PCGF5: variants seen among roughly 807,000 people sequenced by gnomAD.
The protein encoded by PCGF5 is polycomb group ring finger 5, also known as polycomb group RING finger protein 5.
A neutral mutation model predicts 44.3 loss-of-function variants in PCGF5; 9 were observed. The ratio of observed to expected loss-of-function variants is 0.20; its 90% CI spans 0.12 to 0.35. The LOEUF (loss-of-function observed/expected upper bound fraction) is 0.35. PCGF5 is among the 10% of genes least tolerant of loss of function. PCGF5 has a pLI of 1.00. For synonymous variants in PCGF5, 95 were observed against 102.5 expected (o/e 0.93, Z 0.44); for missense variants, 146 against 305.3 (o/e 0.48, Z 3.89).
chr10:91,260,709 G>C lies in PCGF5; in HGVS notation c.475-617G>C, dbSNP rs537658800. 2.7e-5 allele frequency among the ~76,000 whole-genome samples: 4 copies of C among 149,298 alleles called. No individual in the cohort carries two copies. In the East Asian group the frequency reaches 7.9e-4, roughly 30 times the overall value. ...ATCATTCTCAGCAAACTATCACAAG[G>C]ACAAAAAACCAAACACCGCATGTTC... On this transcript the variant is annotated intron_variant, in intron 6 of 9. Transcript: ENST00000336126.
intron 2 of PCGF5, chr10:91,228,071 T>C (rs563252510): frequency 2.3e-6 from 1 of 440,324 alleles, no homozygotes; most frequent in South Asian, 9.6e-5. Flanking sequence ...TCTCCTAGGA[T>C]CTACATAGGC....
intron 8 of PCGF5, among the ~76,000 whole-genome samples, chr10:91,268,844 G>C (rs2046510735): frequency 6.6e-6 from 1 of 152,034 alleles, no homozygotes; most frequent in South Asian, 2.1e-4. Flanking sequence ...TGTCTCCATT[G>C]TGATGCATTT....
At chr10:91,270,157 C>A (rs573608598) in intron 8 of PCGF5, among the ~76,000 whole-genome samples, 1 of 152,184 alleles carries the variant, frequency 6.6e-6, no homozygotes, top group Non-Finnish European at 1.5e-5. Flanking sequence ...TAGCTTTCAT[C>A]GTGTACTCAC....
chr10:91,195,465 T>C (rs1844113778), intron 1 of PCGF5, among the ~76,000 whole-genome samples: 1 of 100,140 alleles, frequency 1.0e-5, no homozygotes, highest in Non-Finnish European at 2.1e-5. Context: ...TATATATATA[T>C]GCATGCATAT....
intron 6 of PCGF5, among the ~76,000 whole-genome samples, chr10:91,253,275 C>T (rs115050802): frequency 0.013 from 1,904 of 152,040 alleles, 46 homozygotes; most frequent in African/African-American, 0.042. Context: ...GTTATTTTGT[C>T]ACCCAGGTAA....
intron 9 of PCGF5, 76 bp downstream of exon 9, chr10:91,271,773 C>A: frequency 8.0e-7 from 1 of 1,253,968 alleles, no homozygotes; most frequent in Non-Finnish European, 1.2e-6. Flanking sequence ...AAACTCAATT[C>A]CTAAGACATT....
intron 2 of PCGF5, among the ~76,000 whole-genome samples, chr10:91,238,707 T>C (rs1344794718): frequency 6.9e-6 from 1 of 145,368 alleles, no homozygotes; most frequent in Admixed American, 7.0e-5. Flanking sequence ...TCTGAAGGAA[T>C]TCAGCTTCTC....
At chr10:91,264,396 T>G in intron 7 of PCGF5, 35 bp from the exon 8 acceptor site, 1 of 1,462,970 alleles carries the variant, frequency 6.8e-7, no homozygotes, top group Non-Finnish European at 9.3e-7. Context: ...GAATTCAACA[T>G]TATGTTAATA....
upstream of PCGF5, chr10:91,220,158 T>G (rs2133269839): frequency 3.0e-5 from 3 of 99,878 alleles, no homozygotes; most frequent in Admixed American, 1.3e-4. Flanking sequence ...CTCCACAACG[T>G]TCCCGTTTGC....
In PCGF5 at chr10:91,267,018, T is replaced by A. The variant is rs1846062888; in HGVS notation, c.663+2498T>A. On this transcript the variant is annotated intron_variant, in intron 8 of 9. Coordinates refer to ENST00000336126, the MANE Select transcript of PCGF5 (RefSeq NM_032373.5). ...CTCCGTTCTCTGATTCCTCCAATAATGTTTAATTTAGGTAAAATTCAGAAT... is the reference window on the plus strand; with the variant it reads ...CTCCGTTCTCTGATTCCTCCAATAAAGTTTAATTTAGGTAAAATTCAGAAT... Among the ~76,000 whole-genome samples, 3 of 152,120 alleles carry A rather than the reference T, an allele frequency of 2.0e-5. No individual in the cohort carries two copies. In the South Asian group the frequency reaches 6.2e-4, roughly 32 times the overall value.
chr10:91,246,998 GATA>G, intron 3 of PCGF5, among the ~76,000 whole-genome samples: 1 of 149,954 alleles, frequency 6.7e-6, no homozygotes, highest in Non-Finnish European at 1.5e-5. Context: ...TAGATAGATA[GATA>G]GATAGATAGA....
chr10:91,263,086 C>A (rs952435582), intron 7 of PCGF5, among the ~76,000 whole-genome samples: 1 of 152,156 alleles, frequency 6.6e-6, no homozygotes, highest in Non-Finnish European at 1.5e-5. Flanking sequence ...AAGGACTTTT[C>A]CTGTGACTTT....
upstream of PCGF5, chr10:91,220,267 C>G (rs891152036): frequency 6.6e-6 from 1 of 152,152 alleles, no homozygotes; most frequent in Non-Finnish European, 1.5e-5. Context: ...GGCTTTGTCC[C>G]CACTTCGGCG....
intron 1 of PCGF5, among the ~76,000 whole-genome samples, chr10:91,181,729 TG>T (rs1843822540): frequency 6.6e-6 from 1 of 152,206 alleles, no homozygotes; most frequent in Non-Finnish European, 1.5e-5. Flanking sequence ...CACTTGATGG[TG>T]GCAGATAAGC....
intron 1 of PCGF5, among the ~76,000 whole-genome samples, chr10:91,178,920 G>A (rs140605492): frequency 1.2e-3 from 180 of 152,274 alleles, no homozygotes; most frequent in African/African-American, 4.2e-3. Flanking sequence ...CTCTACAACT[G>A]ATTTCAGCAC....
At chr10:91,162,689 G>A (rs1459047559), upstream of PCGF5, among the ~76,000 whole-genome samples, 2 of 146,702 alleles carry the variant, frequency 1.4e-5, no homozygotes, top group Non-Finnish European at 3.0e-5. Context: ...GGCCGTGCCC[G>A]GCAGGACGCT....
intron 1 of PCGF5, among the ~76,000 whole-genome samples, chr10:91,195,284 CAA>C (rs34864359): frequency 1.5e-5 from 2 of 131,786 alleles, no homozygotes; most frequent in South Asian, 2.4e-4. Flanking sequence ...TCACCTCCTT[CAA>C]AAAAAAAAAA....
At chr10:91,186,957 G>A (rs998486398) in intron 1 of PCGF5, among the ~76,000 whole-genome samples, 2 of 152,160 alleles carry the variant, frequency 1.3e-5, no homozygotes, top group Non-Finnish European at 2.9e-5. Context: ...CTAGGCCAGT[G>A]ATTCTCATAC....
At chr10:91,216,583 G>A (rs1389111282), upstream of PCGF5, among the ~76,000 whole-genome samples, 1 of 152,190 alleles carries the variant, frequency 6.6e-6, no homozygotes, top group Non-Finnish European at 1.5e-5. Flanking sequence ...TGTGGAAGAT[G>A]CTTTGGCAGA....
Sources: allele counts gnomAD v4.1 joint callset (sites outside exome capture counted in the v4.1 genomes callset), GRCh38; gene constraint gnomAD v4.1.1; transcripts MANE v1.5; gene names NCBI Gene and HGNC (gene_info 2026-07-23, HGNC 2026-07-21).